ZFYVE1: variants seen among roughly 807,000 people sequenced by gnomAD.
ZFYVE1 encodes the protein zinc finger FYVE domain-containing protein 1.
In ZFYVE1, 30 loss-of-function variants were observed where a neutral mutation model predicts 74.4. That is an observed-to-expected ratio of 0.40 (90% CI 0.30 to 0.55). ZFYVE1 has a LOEUF of 0.55. Among genes scored for constraint, ZFYVE1 ranks in the 20% least tolerant of loss-of-function variants. The probability of loss-of-function intolerance (pLI) is 0.42; values close to 1 mark genes in which losing one functional copy is unlikely to be tolerated. For missense variants in ZFYVE1, 703 were observed against 1,011.6 expected (o/e 0.69, Z 4.14); for synonymous variants, 335 against 385.1 (o/e 0.87, Z 1.52).
At chr14:73,017,520 T>C (rs1894226585) in intron 2 of ZFYVE1, among the ~76,000 whole-genome samples, 1 of 152,238 alleles carries the variant, frequency 6.6e-6, no homozygotes, top group South Asian at 2.1e-4. Context: ...CTAATCAGGT[T>C]CTTAAAGACT....
chr14:73,003,549 A>G (rs1893918349), intron 2 of ZFYVE1, among the ~76,000 whole-genome samples: 1 of 152,166 alleles, frequency 6.6e-6, no homozygotes, highest in Admixed American at 6.5e-5. Flanking sequence ...CCAACTCTAC[A>G]AAATCAAAAA....
At position 72,975,852 on chromosome 14, in the gene ZFYVE1, G is replaced by A. The variant is rs564240779; in HGVS notation, c.1636-131C>T. The A allele has an allele frequency of 1.3e-5, 13 of 1,005,190 alleles. No individual in the cohort carries two copies. The highest frequency in any genetic ancestry group is 8.1e-5 in the African/African-American group (5 of 61,946). 62.3% of individuals were successfully genotyped at this position (1,005,190 alleles called of 1,614,324 possible). A position where few individuals can be genotyped will look rare whatever the true frequency, so the allele number is the denominator to read the frequency against. On this transcript the variant is annotated intron_variant, in intron 8 of 11. Coordinates refer to ENST00000556143, the MANE Select transcript of ZFYVE1 (RefSeq NM_021260.4). This position sits in a 1 kb window ranked among gnomAD's most constrained non-coding sequence, Gnocchi z 4.1. ...CACTAACTCCCTGGCAGGGAAGAAC[G>A]GAGACACACCAGGAATCCCTCTGGC...
In ZFYVE1 at chr14:72,998,129, C is replaced by T; in HGVS notation, c.670G>A (p.Ala224Thr). Reference sequence around the variant, plus strand: ...GCTACTTTGTGAACTGGGTCATAGGCTGCCCACACTCCCACAGTGCAGGAC... The same window carrying T: ...GCTACTTTGTGAACTGGGTCATAGGTTGCCCACACTCCCACAGTGCAGGAC... ...QESCTVGVWA[A>T]YDPVHKVAVI... The change falls in exon 3 of 12, where the codon GCC becomes ACC. Residue 224 changes from alanine (A) to threonine (T), a missense_variant. Around this residue, in one of 2 missense-constraint regions of ZFYVE1, gnomAD observed 492 missense variants for 790.0 expected, o/e 0.62. Coordinates refer to ENST00000556143, the MANE Select transcript of ZFYVE1 (RefSeq NM_021260.4). The T allele has an allele frequency of 6.2e-7, 1 of 1,614,004 alleles. No individual in the cohort carries two copies. The highest frequency in any genetic ancestry group is 8.5e-7 in the Non-Finnish European group (1 of 1,179,964).
rs1342382258 is a variant in ZFYVE1, at chr14:72,970,819, G to C, written c.*63C>G. 4 of 1,551,912 alleles carry C rather than the reference G, an allele frequency of 2.6e-6. No individual in the cohort carries two copies. In the East Asian group the frequency reaches 9.1e-5, roughly 35 times the overall value. ...GGTGACTGGGAGGAGGGCCTACCTC[G>C]CAAGACTGTTTCTAACCCTGAGAAC... On this transcript the variant is annotated 3_prime_UTR_variant, in exon 12 of 12. Coordinates refer to ENST00000556143, the MANE Select transcript of ZFYVE1 (RefSeq NM_021260.4).
chr14:72,969,559 ACACTC>A lies in ZFYVE1; in HGVS notation c.*1318_*1322del, dbSNP rs1892974487. On this transcript the variant is annotated 3_prime_UTR_variant, in exon 12 of 12. Coordinates refer to ENST00000556143, the MANE Select transcript of ZFYVE1 (RefSeq NM_021260.4). ...GAGGAGCAGGGCTGAGAGGGACGACACACTCCAGGGCTCATGTCACACCGATAGGC... is the reference window on the plus strand; with the variant it reads ...GAGGAGCAGGGCTGAGAGGGACGACACAGGGCTCATGTCACACCGATAGGC... The A allele has an allele frequency of 1.6e-6, 1 of 615,288 alleles. No individual in the cohort carries two copies. Among genetic ancestry groups the A allele is most frequent in the Admixed American group, 2.8e-5 (1 of 35,638 alleles). The allele number at this position is 615,288 out of a possible 1,614,324, so 38.1% of individuals were successfully genotyped here.
intron 2 of ZFYVE1, among the ~76,000 whole-genome samples, chr14:73,015,280 GGAAGGA>G (rs1894168369): frequency 1.2e-5 from 1 of 84,280 alleles, no homozygotes; most frequent in Non-Finnish European, 2.4e-5. Context: ...AAGGAAGGAA[GGAAGGA>G]AGGAAGGAAA....
intron 11 of ZFYVE1, among the ~76,000 whole-genome samples, chr14:72,972,241 C>G (rs534543441): frequency 6.6e-6 from 1 of 152,192 alleles, no homozygotes; most frequent in African/African-American, 2.4e-5. Context: ...GCTAACCTCT[C>G]AGGGGCTTAC....
intron 2 of ZFYVE1, among the ~76,000 whole-genome samples, chr14:73,023,275 ATT>A (rs578042058): frequency 0.082 from 9,066 of 110,870 alleles, 875 homozygotes; most frequent in Middle Eastern, 0.14. Context: ...TATAATATAT[ATT>A]ATATATGTTT....
chr14:72,985,749 TAA>T (rs111464416), intron 4 of ZFYVE1, among the ~76,000 whole-genome samples: 2 of 143,722 alleles, frequency 1.4e-5, no homozygotes, highest in Non-Finnish European at 1.5e-5. Context: ...AATTATTATT[TAA>T]AAAAAAAAAA....
chr14:73,008,237 G>A (rs940915935), intron 2 of ZFYVE1, among the ~76,000 whole-genome samples: 18 of 152,166 alleles, frequency 1.2e-4, no homozygotes, highest in African/African-American at 4.3e-4. Flanking sequence ...TCGGCTCACC[G>A]CAACCTCTGC....
Position 73,024,335 on chromosome 14 carries a change from A to C in ZFYVE1, c.174T>G (p.His58Gln). The C allele has an allele frequency of 6.2e-7, 1 of 1,614,112 alleles. No individual in the cohort carries two copies. Among genetic ancestry groups the C allele is most frequent in the Non-Finnish European group, 8.5e-7 (1 of 1,180,014 alleles). The change falls in exon 2 of 12, where the codon CAT (histidine) becomes CAG (glutamine). Residue 58 changes from histidine (H) to glutamine (Q), a missense_variant. This residue lies in a region of ZFYVE1 where 211 missense variants were observed against 221.7 expected (regional missense o/e 0.95). Transcript: ENST00000556143. Reference protein sequence around the residue: ...ELHRQERLRNHERIRLKPGHV... With the variant: ...ELHRQERLRNQERIRLKPGHV... The stretch of plus-strand genomic sequence containing the variant: ...GGCCAGGTTTGAGTCTTATCCGCTC[A>C]TGGTTTCTCAGGCGCTCCTGCCGAT...
At chr14:73,026,165 A>G (rs1432541220) in intron 1 of ZFYVE1, among the ~76,000 whole-genome samples, 1 of 151,808 alleles carries the variant, frequency 6.6e-6, no homozygotes, top group Admixed American at 6.6e-5. Flanking sequence ...AACAGGAGAC[A>G]ATTCCTCTAC....
At position 73,004,923 on chromosome 14, in the gene ZFYVE1, TG is replaced by T. The variant is rs545928992; in HGVS notation, c.484-6609del. On this transcript the variant is annotated intron_variant, in intron 2 of 11. Transcript: ENST00000556143. ...CTGAGGTGGGAGAATTGCTTGAGCC[TG>T]GGGAGAGTTTGCAGTGAGCCGAGAT... 3.0e-3 allele frequency among the ~76,000 whole-genome samples: 445 copies of T among 146,696 alleles called. 2 individuals carry two copies. The highest frequency in any genetic ancestry group is 5.5e-3 in the Non-Finnish European group (369 of 67,288).
intron 3 of ZFYVE1, 61 bp from the exon 4 acceptor site, chr14:72,993,418 G>C (rs1214630127): frequency 7.4e-7 from 1 of 1,357,250 alleles, no homozygotes; most frequent in Middle Eastern, 2.2e-4. Flanking sequence ...AAAAAAAAAA[G>C]TAGGCCAGGC....
At position 72,978,566 on chromosome 14, in the gene ZFYVE1, C is replaced by CAAAAAAAAAAAAAAAAAAAAAAAAAAAAA. The variant is rs58858186; in HGVS notation, c.1419+266_1419+294dup. Among the ~76,000 whole-genome samples the CAAAAAAAAAAAAAAAAAAAAAAAAAAAAA allele has an allele frequency of 3.9e-5, 2 of 50,952 alleles. 1 individual carries two copies. The highest frequency in any genetic ancestry group is 6.5e-5 in the Non-Finnish European group (2 of 30,794). 33.4% of individuals were successfully genotyped at this position (50,952 alleles called of 152,430 possible). ...TGGCTGACAGAGCAAGACTCTGTCTCAAAAAAAAAAAAAAAAAAAAAAAAA... is the reference window on the plus strand; with the variant it reads ...TGGCTGACAGAGCAAGACTCTGTCTCAAAAAAAAAAAAAAAAAAAAAAAAAAAAAAAAAAAAAAAAAAAAAAAAAAAAAA... On this transcript the variant is annotated intron_variant, in intron 6 of 11. Coordinates refer to ENST00000556143, the MANE Select transcript of ZFYVE1 (RefSeq NM_021260.4).
At chr14:73,009,417 A>G (rs897947561) in intron 2 of ZFYVE1, among the ~76,000 whole-genome samples, 3 of 152,192 alleles carry the variant, frequency 2.0e-5, no homozygotes, top group African/African-American at 4.8e-5. Flanking sequence ...GCCCCAAGCC[A>G]GAGTCATCAC....
At chr14:73,009,495 G>A (rs867620874) in intron 2 of ZFYVE1, among the ~76,000 whole-genome samples, 5 of 152,198 alleles carry the variant, frequency 3.3e-5, no homozygotes, top group Non-Finnish European at 5.9e-5. Flanking sequence ...GGAGGCTCAC[G>A]CCTGTAATCT....
intron 2 of ZFYVE1, among the ~76,000 whole-genome samples, chr14:73,022,569 G>A (rs1894339209): frequency 6.6e-6 from 1 of 152,154 alleles, no homozygotes; most frequent in South Asian, 2.1e-4. Flanking sequence ...TCACAGGATT[G>A]TTGATAGGAC....
chr14:73,009,286 C>T (rs2140378542), intron 2 of ZFYVE1, among the ~76,000 whole-genome samples: 1 of 152,330 alleles, frequency 6.6e-6, no homozygotes, highest in South Asian at 2.1e-4. Flanking sequence ...ACACAATCTA[C>T]TTCATAGGAT....
Sources: gnomAD v4.1 joint callset for allele counts (sites outside exome capture counted in the v4.1 genomes callset) on GRCh38, gnomAD v4.1.1 for gene constraint, gnomAD v4.1.1 regional missense constraint, Gnocchi (gnomAD v3.1) non-coding constraint, MANE v1.5 for transcripts, NCBI Gene and HGNC (gene_info 2026-07-23, HGNC 2026-07-21) for gene names.